CCND3: variants seen among roughly 807,000 people sequenced by gnomAD.
CCND3 encodes the protein G1/S-specific cyclin-D3.
Under a neutral mutation model 28.7 loss-of-function variants are expected in CCND3, and 9 were observed. The ratio of observed to expected loss-of-function variants is 0.31; its 90% CI spans 0.19 to 0.55. The LOEUF (loss-of-function observed/expected upper bound fraction) is 0.55. CCND3 is among the 20% of genes least tolerant of loss of function. CCND3 has a pLI of 0.93. For missense variants in CCND3, 315 were observed against 385.8 expected, an observed-to-expected ratio of 0.82 and a Z score of 1.54; for synonymous variants, 164 against 163.9, an observed-to-expected ratio of 1.00 and a Z score of 0.00.
chr6:41,998,365 T>G (rs1227306303), intron 1 of CCND3, among the ~76,000 whole-genome samples: 3 of 107,150 alleles, frequency 2.8e-5, no homozygotes, highest in African/African-American at 1.0e-4. Flanking sequence ...TTTTTTTTTT[T>G]GAGACGAAGT....
intron 1 of CCND3, among the ~76,000 whole-genome samples, chr6:42,044,059 C>T (rs1216191638): frequency 6.6e-6 from 1 of 152,222 alleles, no homozygotes; most frequent in Non-Finnish European, 1.5e-5. Flanking sequence ...CGGTCCTGCC[C>T]TCTGCTCTGG....
At chr6:42,029,575 T>C (rs891376155) in intron 1 of CCND3, among the ~76,000 whole-genome samples, 8 of 151,946 alleles carry the variant, frequency 5.3e-5, no homozygotes, top group African/African-American at 1.9e-4. Context: ...CAGTGGTTCA[T>C]GCCTGTAATC....
At chr6:42,022,775 G>A (rs1266629058) in intron 1 of CCND3, among the ~76,000 whole-genome samples, 1 of 152,178 alleles carries the variant, frequency 6.6e-6, no homozygotes, top group Non-Finnish European at 1.5e-5. Flanking sequence ...GGGGAAAGGT[G>A]GCAGGGCAGG....
In CCND3 at chr6:42,005,540, C is replaced by CAA. The variant is rs58659355; in HGVS notation, c.-46+42959_-46+42960dup. ...TGGGAGACAGAGTGAGACCCTGTCT[C>CAA]AAAAAAAAAAAAAAAAAAAAAAAAA... On this transcript the variant is annotated intron_variant, in intron 1 of 4. Transcript: ENST00000372988. Among the ~76,000 whole-genome samples, 42 of 62,848 alleles carry CAA rather than the reference C, an allele frequency of 6.7e-4. 1 individual carries two copies. The highest frequency in any genetic ancestry group is 2.4e-3 in the African/African-American group (39 of 16,482). 41.2% of individuals were successfully genotyped at this position (62,848 alleles called of 152,430 possible). A position where few individuals can be genotyped will look rare whatever the true frequency, so the allele number is the denominator to read the frequency against.
intron 1 of CCND3, among the ~76,000 whole-genome samples, chr6:41,991,157 C>G (rs1213191147): frequency 1.3e-5 from 2 of 151,928 alleles, no homozygotes; most frequent in African/African-American, 2.4e-5. Flanking sequence ...CTCCTGGGTT[C>G]AAGCGATTCT....
At position 41,936,610 on chromosome 6, in the gene CCND3, CA is replaced by C. The variant is rs1775806207; in HGVS notation, c.659del (p.Met220SerfsTer84). On this transcript the variant is annotated frameshift_variant, in exon 4 of 5. Coordinates refer to ENST00000372991, the MANE Select transcript of CCND3 (RefSeq NM_001760.5). LOFTEE classifies it high-confidence loss of function. The surrounding 1 kb of genome is among the most constrained non-coding windows in gnomAD (Gnocchi z 4.4). Reference sequence around the variant, plus strand: ...GCAGCTCTGTGAGCTCATCCCCGGACATGGAGCAGGCACCCAGGCCTTGCAC... The same window carrying C: ...GCAGCTCTGTGAGCTCATCCCCGGACTGGAGCAGGCACCCAGGCCTTGCAC... The part of the protein sequence containing the change: ...AAVQGLGACS[M>X]SGDELTELLA... The C allele has an allele frequency of 6.2e-7, 1 of 1,614,080 alleles. No homozygotes were observed. Among genetic ancestry groups the C allele is most frequent in the African/African-American group, 1.3e-5 (1 of 74,932 alleles).
chr6:41,952,744 C>A (rs1776343575), intron 1 of CCND3, among the ~76,000 whole-genome samples: 4 of 152,194 alleles, frequency 2.6e-5, no homozygotes, highest in Admixed American at 2.6e-4. Flanking sequence ...CCAAGGCAAT[C>A]AAATGCCAGA....
At chr6:42,036,490 G>A (rs1764225242) in intron 1 of CCND3, among the ~76,000 whole-genome samples, 1 of 133,136 alleles carries the variant, frequency 7.5e-6, no homozygotes, top group South Asian at 2.5e-4. Flanking sequence ...ACTCACTGCA[G>A]CCTCCACCTC....
At position 41,936,381 on chromosome 6, in the gene CCND3, AC is replaced by A; in HGVS notation, c.711+177del. On this transcript the variant is annotated intron_variant, in intron 4 of 4. Coordinates refer to ENST00000372991, the MANE Select transcript of CCND3 (RefSeq NM_001760.5). The surrounding 1 kb of genome is among the most constrained non-coding windows in gnomAD (Gnocchi z 4.4). ...CCCTAGGGCCAGTGCCCTTCACCCC[AC>A]CCAAGATACTTGCTCTTCCCCAGAC... 1.3e-6 allele frequency: 1 copy of A among 753,586 alleles called. No homozygotes were observed. Among genetic ancestry groups the A allele is most frequent in the Non-Finnish European group, 2.1e-6 (1 of 471,336 alleles). The allele number at this position is 753,586 out of a possible 1,614,324, so 46.7% of individuals were successfully genotyped here.
intron 1 of CCND3, among the ~76,000 whole-genome samples, chr6:42,030,375 C>T (rs963591746): frequency 6.6e-6 from 1 of 152,070 alleles, no homozygotes; most frequent in Non-Finnish European, 1.5e-5. Context: ...AAATATGGAG[C>T]CTTCTGGTTG....
At chr6:41,957,734 G>T (rs1165559537) in intron 1 of CCND3, among the ~76,000 whole-genome samples, 2 of 152,186 alleles carry the variant, frequency 1.3e-5, no homozygotes, top group African/African-American at 4.8e-5. Flanking sequence ...TTTGATTCCT[G>T]CCTCTCTGCT....
chr6:41,950,452 T>A (rs7766960), intron 1 of CCND3, among the ~76,000 whole-genome samples: 1 of 151,892 alleles, frequency 6.6e-6, no homozygotes, highest in African/African-American at 2.4e-5. Flanking sequence ...TCCTGGGCAG[T>A]TTACTTAACT....
chr6:41,945,025 T>C (rs1295915046), upstream of CCND3, among the ~76,000 whole-genome samples: 1 of 152,158 alleles, frequency 6.6e-6, no homozygotes, highest in Non-Finnish European at 1.5e-5. Context: ...GTTTTTGTTT[T>C]TCTAAAAGGA....
chr6:41,943,774 TAG>T (rs74270891), upstream of CCND3, among the ~76,000 whole-genome samples: 485 of 152,350 alleles, frequency 3.2e-3, 5 homozygotes, highest in Non-Finnish European at 5.4e-3. Context: ...CTCTGCCAAC[TAG>T]AGAGTGAAAG....
intron 1 of CCND3, among the ~76,000 whole-genome samples, chr6:42,016,935 C>A (rs1430891865): frequency 6.6e-6 from 1 of 152,156 alleles, no homozygotes; most frequent in Non-Finnish European, 1.5e-5. Context: ...AACATAATGA[C>A]CTGCTAAGTG....
In CCND3 at chr6:41,936,027, G is replaced by C; in HGVS notation, c.792C>G (p.Ser264Arg). Residue 264 changes from serine (S) to arginine (R), a missense_variant, in exon 5 of 5, where the codon AGC (serine) becomes AGG (arginine). Transcript: ENST00000372991. The surrounding 1 kb of genome is among the most constrained non-coding windows in gnomAD (Gnocchi z 4.4). ...AGCCCCGGGGGGCTTTGGGCGCTGG[G>C]CTGGAGCTGGTCTGAGAGGCTTCCC... is the stretch of plus-strand genomic sequence containing the variant. ...SLREASQTSS[S>R]PAPKAPRGSS... 1 of 1,613,496 alleles carries C rather than the reference G, an allele frequency of 6.2e-7. No individual in the cohort carries two copies. Among genetic ancestry groups the C allele is most frequent in the East Asian group, 2.2e-5 (1 of 44,876 alleles).
chr6:41,961,101 T>C (rs1284025779), intron 1 of CCND3, among the ~76,000 whole-genome samples: 3 of 151,966 alleles, frequency 2.0e-5, no homozygotes, highest in African/African-American at 7.3e-5. Flanking sequence ...CCAGGGGAGG[T>C]CAACTCTGCT....
chr6:41,969,367 T>A (rs1029476446), intron 1 of CCND3, among the ~76,000 whole-genome samples: 3 of 151,014 alleles, frequency 2.0e-5, no homozygotes, highest in African/African-American at 7.3e-5. Context: ...AATACAAAAA[T>A]TAGCTGGGCA....
At chr6:42,006,312 A>AG (rs1763174139) in intron 1 of CCND3, among the ~76,000 whole-genome samples, 1 of 151,830 alleles carries the variant, frequency 6.6e-6, no homozygotes, top group South Asian at 2.1e-4. Flanking sequence ...TTTAAAAAAA[A>AG]AAGATTTAAC....
Sources: allele counts gnomAD v4.1 joint callset (sites outside exome capture counted in the v4.1 genomes callset), GRCh38; gene constraint gnomAD v4.1.1; non-coding constraint Gnocchi (gnomAD v3.1); transcripts MANE v1.5; gene names NCBI Gene and HGNC (gene_info 2026-07-23, HGNC 2026-07-21).